The following SSBP3 variants were observed in gnomAD, a reference collection of about 807,000 sequenced individuals.
The protein encoded by SSBP3 is single-stranded DNA-binding protein 3.
A neutral mutation model predicts 69.6 loss-of-function variants in SSBP3; 5 were observed. The ratio of observed to expected loss-of-function variants is 0.07; its 90% CI spans 0.04 to 0.15. SSBP3 has a LOEUF of 0.15. Among genes scored for constraint, SSBP3 ranks in the 10% least tolerant of loss-of-function variants. The pLI, the probability that SSBP3 is intolerant of heterozygous loss-of-function variation, is 1.00. For synonymous variants in SSBP3, 196 were observed against 193.4 expected (o/e 1.01, Z -0.11); for missense variants, 312 against 534.0 (o/e 0.58, Z 4.10).
chr1:54,316,653 AAAAAAATAAAATAAATAAATAAAT>A lies in SSBP3; in HGVS notation c.277-35150_277-35127del, dbSNP rs1646106269. Among the ~76,000 whole-genome samples the A allele has an allele frequency of 5.6e-5, 3 of 53,864 alleles. 1 individual carries two copies. Among genetic ancestry groups the A allele is most frequent in the African/African-American group, 3.9e-4 (3 of 7,772 alleles). The allele number at this position is 53,864 out of a possible 152,430, so 35.3% of individuals were successfully genotyped here. A position where few individuals can be genotyped will look rare whatever the true frequency, so the allele number is the denominator to read the frequency against. On this transcript the variant is annotated intron_variant, in intron 4 of 17. Transcript: ENST00000610401. ...ACAGAGCGAGACTCCGTCTCAAAAA[AAAAAAATAAAATAAATAAATAAAT>A]AAATAAATAAATAAATAAATAAATA...
intron 4 of SSBP3, among the ~76,000 whole-genome samples, chr1:54,380,825 A>C (rs943111480): frequency 6.6e-6 from 1 of 152,142 alleles, no homozygotes; most frequent in African/African-American, 2.4e-5. Context: ...AGCTTCCTTA[A>C]AGCCAGTATA....
At chr1:54,364,576 T>C (rs1647000089) in intron 4 of SSBP3, among the ~76,000 whole-genome samples, 1 of 152,062 alleles carries the variant, frequency 6.6e-6, no homozygotes, top group South Asian at 2.1e-4. Flanking sequence ...GTCCCACAAA[T>C]AAACATTAAT....
chr1:54,400,192 A>G (rs948908741), intron 4 of SSBP3, among the ~76,000 whole-genome samples: 3 of 152,238 alleles, frequency 2.0e-5, no homozygotes, highest in African/African-American at 7.2e-5. Context: ...TCAAATTTGT[A>G]GAGCACCGAA....
At chr1:54,231,458 C>T (rs1241921938) in intron 14 of SSBP3, among the ~76,000 whole-genome samples, 1 of 152,126 alleles carries the variant, frequency 6.6e-6, no homozygotes, top group Non-Finnish European at 1.5e-5. Context: ...TTATTTTCTC[C>T]ATTCTGTGGT....
Position 54,347,343 on chromosome 1 carries a change from A to G in SSBP3, c.276+54518T>C, listed in dbSNP as rs1475832527. On this transcript the variant is annotated intron_variant, in intron 4 of 17. Transcript: ENST00000610401. ...TATAAATACTAGGTAAATAGTTGTTAGGCTGTTTTTTAATTTGTCCCCTTT... is the reference window on the plus strand; with the variant it reads ...TATAAATACTAGGTAAATAGTTGTTGGGCTGTTTTTTAATTTGTCCCCTTT... Among the ~76,000 whole-genome samples the G allele has an allele frequency of 3.3e-5, 5 of 150,858 alleles. No individual in the cohort carries two copies. In the South Asian group the frequency reaches 6.3e-4, roughly 19 times the overall value.
At chr1:54,404,818 G>C in intron 2 of SSBP3, 40 bp downstream of exon 2, 1 of 1,082,214 alleles carries the variant, frequency 9.2e-7, no homozygotes, top group Non-Finnish European at 1.3e-6. Flanking sequence ...TGGGGGGGGG[G>C]GGTGTCAAGA....
intron 5 of SSBP3, among the ~76,000 whole-genome samples, chr1:54,267,548 G>A (rs1267185977): frequency 6.6e-6 from 1 of 152,204 alleles, no homozygotes; most frequent in Non-Finnish European, 1.5e-5. Context: ...AGAATGAACA[G>A]GTGTCTCCTG....
intron 4 of SSBP3, among the ~76,000 whole-genome samples, chr1:54,301,581 C>A (rs144914859): frequency 1.1e-3 from 172 of 152,320 alleles, no homozygotes; most frequent in African/African-American, 4.0e-3. Flanking sequence ...GGGACCCTCG[C>A]GGCTCCTAAG....
chr1:54,240,600 T>C (rs541564412), intron 13 of SSBP3, among the ~76,000 whole-genome samples: 25 of 152,010 alleles, frequency 1.6e-4, no homozygotes, highest in African/African-American at 5.1e-4. Flanking sequence ...AGGCCCCTTT[T>C]TGAGTCATTT....
At chr1:54,254,680 A>C (rs1644888251) in intron 7 of SSBP3, among the ~76,000 whole-genome samples, 1 of 152,194 alleles carries the variant, frequency 6.6e-6, no homozygotes. Flanking sequence ...CGGGTGGCAC[A>C]GGGCTTCTGT....
At chr1:54,367,739 T>C (rs1647051673) in intron 4 of SSBP3, among the ~76,000 whole-genome samples, 1 of 152,216 alleles carries the variant, frequency 6.6e-6, no homozygotes, top group Admixed American at 6.5e-5. Context: ...TCTTAAGCAA[T>C]GTGCTGGCAA....
intron 2 of SSBP3, 31 bp from the exon 3 acceptor site, chr1:54,404,668 G>A (rs368176669): frequency 6.2e-7 from 1 of 1,613,798 alleles, no homozygotes. Flanking sequence ...GCAGCTTAGA[G>A]GAGCAGAGAC....
intron 4 of SSBP3, among the ~76,000 whole-genome samples, chr1:54,344,089 T>C (rs1314554720): frequency 6.6e-6 from 1 of 152,170 alleles, no homozygotes; most frequent in African/African-American, 2.4e-5. Context: ...GAGGTGCCCC[T>C]GATTAGACAC....
intron 4 of SSBP3, among the ~76,000 whole-genome samples, chr1:54,374,261 G>A (rs1456571878): frequency 6.6e-6 from 1 of 152,226 alleles, no homozygotes; most frequent in African/African-American, 2.4e-5. Flanking sequence ...TGGGGATCCA[G>A]AGACTGGGTA....
chr1:54,251,331 G>A (rs1007251883), intron 9 of SSBP3, among the ~76,000 whole-genome samples: 12 of 152,150 alleles, frequency 7.9e-5, no homozygotes, highest in African/African-American at 2.2e-4. Context: ...ATAGGCTACC[G>A]CACCCCAAAA....
At position 54,258,264 on chromosome 1, in the gene SSBP3, G is replaced by C. The variant is rs1004585948; in HGVS notation, c.367-115C>G. On this transcript the variant is annotated intron_variant, in intron 5 of 17. Transcript: ENST00000610401. This position sits in a 1 kb window ranked among gnomAD's most constrained non-coding sequence, Gnocchi z 4.5. ...CGAAGGGTGGGCGGCGGGCGTGCGG[G>C]GGGGTGGGCTCTGGTTGGTGGGAGG... 1.2e-5 allele frequency: 9 copies of C among 779,442 alleles called. No homozygotes were observed. The highest frequency in any genetic ancestry group is 3.6e-5 in the African/African-American group (2 of 55,044). 48.3% of individuals were successfully genotyped at this position (779,442 alleles called of 1,614,324 possible).
rs548896949 is a variant in SSBP3 at position 54,329,490 on chromosome 1, G to A, written c.277-47963C>T. Reference sequence around the variant, plus strand: ...ATCAATACTGATTGTGTACTGGGAGGAGGCAGGATGGCCTGCCAGGCTGGG... The same window carrying A: ...ATCAATACTGATTGTGTACTGGGAGAAGGCAGGATGGCCTGCCAGGCTGGG... On this transcript the variant is annotated intron_variant, in intron 4 of 17. Coordinates refer to ENST00000610401, the Ensembl canonical transcript of SSBP3. Among the ~76,000 whole-genome samples, 219 of 152,314 alleles carry A rather than the reference G, an allele frequency of 1.4e-3. 2 individuals carry two copies. The highest frequency in any genetic ancestry group is 1.9e-3 in the Non-Finnish European group (131 of 68,026).
intron 4 of SSBP3, among the ~76,000 whole-genome samples, chr1:54,355,319 G>A (rs1032396429): frequency 6.6e-6 from 1 of 152,162 alleles, no homozygotes; most frequent in African/African-American, 2.4e-5. Flanking sequence ...ACCAACCACA[G>A]ACATTACAGG....
chr1:54,377,848 A>G (rs1372595395), intron 4 of SSBP3, among the ~76,000 whole-genome samples: 1 of 152,252 alleles, frequency 6.6e-6, no homozygotes, highest in Non-Finnish European at 1.5e-5. Context: ...AGAATAAAAT[A>G]TATCATGTAA....
Sources: allele counts gnomAD v4.1 joint callset (sites outside exome capture counted in the v4.1 genomes callset), GRCh38; gene constraint gnomAD v4.1.1; non-coding constraint Gnocchi (gnomAD v3.1); transcripts MANE v1.5; gene names NCBI Gene and HGNC (gene_info 2026-07-23, HGNC 2026-07-21).